Variants in IGFALS observed in about 807,000 individuals in gnomAD.
The protein encoded by IGFALS is insulin-like growth factor-binding protein complex acid labile subunit.
A neutral mutation model predicts 2.6 loss-of-function variants in IGFALS; 2 were observed. The ratio of observed to expected loss-of-function variants is 0.77; its 90% CI spans 0.32 to 2.44. The LOEUF (loss-of-function observed/expected upper bound fraction) is 2.44. Ranked by LOEUF, IGFALS falls within the 30% of genes most tolerant of loss-of-function variation. The pLI, the probability that IGFALS is intolerant of heterozygous loss-of-function variation, is 0.11. For synonymous variants in IGFALS, 519 were observed against 431.9 expected, an observed-to-expected ratio of 1.20 and a Z score of -2.50; for missense variants, 996 against 848.7, an observed-to-expected ratio of 1.17 and a Z score of -2.16.
rs35882742 is a variant in IGFALS, at chr16:1,791,911, G to A, written c.507C>T (p.Leu169=). The A allele has an allele frequency of 8.2e-6, 13 of 1,577,784 alleles. No homozygotes were observed. The highest frequency in any genetic ancestry group is 4.7e-5 in the East Asian group (2 of 42,998). ...SRLEDGLFEG[L]GSLWDLNLGW... ...CGAGGTTGAGGTCCCAGAGGCTGCC[G>A]AGGCCCTCGAAGAGCCCGTCCTCCA... Residue 169 remains leucine, a synonymous_variant, in exon 2 of 2, where the codon CTC becomes CTT. Coordinates refer to ENST00000215539, the MANE Select transcript of IGFALS (RefSeq NM_004970.3).
chr16:1,790,627 G>A lies in IGFALS; in HGVS notation c.1791C>T (p.Leu597=). ...AGCAGGGAGCAAAGTGGGCCTCGCT[G>A]AGGTCCCGCAGGTCGAGCCCCACGA... ...PEVVGLDLRD[L]SEAHFAPC is the part of the protein sequence containing the mutation. Residue 597 remains leucine (L), a synonymous_variant, in exon 2 of 2, where the codon CTC becomes CTT. Transcript: ENST00000215539. The A allele has an allele frequency of 1.3e-6, 2 of 1,578,274 alleles. No homozygotes were observed. Among genetic ancestry groups the A allele is most frequent in the African/African-American group, 1.3e-5 (1 of 74,234 alleles).
At position 1,791,443 on chromosome 16, in the gene IGFALS, G is replaced by A. The variant is rs781117005; in HGVS notation, c.975C>T (p.Arg325=). Residue 325 remains arginine, a synonymous_variant, in exon 2 of 2, where the codon CGC becomes CGT. Transcript: ENST00000215539. ...AGCTGCGCTCAGCCAGCTGCCGGATGCGGTTGTGGCCCAGCTGCAGCTCCT... is the reference window on the plus strand; with the variant it reads ...AGCTGCGCTCAGCCAGCTGCCGGATACGGTTGTGGCCCAGCTGCAGCTCCT... ...FLEELQLGHN[R]IRQLAERSFE... The A allele has an allele frequency of 9.9e-6, 16 of 1,612,400 alleles. No homozygotes were observed. The African/African-American group carries it at 1.5e-4, about 15-fold the overall frequency.
rs1490097122 is a variant in IGFALS, at chr16:1,793,659, T to A, written c.-7A>T. 6.3e-7 allele frequency: 1 copy of A among 1,595,478 alleles called. No individual in the cohort carries two copies. The highest frequency in any genetic ancestry group is 8.5e-7 in the Non-Finnish European group (1 of 1,170,982). On this transcript the variant is annotated 5_prime_UTR_variant, in exon 1 of 2. An upstream start codon of the reference 5' UTR is lost. Transcript: ENST00000215539. ...CACCTTTCCTCAGGGCCATCCTGCA[T>A]GCAGGGCAGGCTGCAGGCAGGCAGC...
chr16:1,794,151 C>T (rs1265275097), upstream of IGFALS, among the ~76,000 whole-genome samples: 14 of 152,226 alleles, frequency 9.2e-5, no homozygotes, highest in East Asian at 2.1e-3. Flanking sequence ...GCCCCTTCCC[C>T]GTGCCCCACC....
chr16:1,790,722 A>G lies in IGFALS; in HGVS notation c.1696T>C (p.Cys566Arg). 2 of 1,608,672 alleles carry G rather than the reference A, an allele frequency of 1.2e-6. No individual in the cohort carries two copies. Among genetic ancestry groups the G allele is most frequent in the Non-Finnish European group, 1.7e-6 (2 of 1,178,284 alleles). ...GGCGGCTGGCAATCGTCCCCCTCAC[A>G]GATGGCCTGGACGAAGCGGGGCACA... is the stretch of plus-strand genomic sequence containing the variant. ...SAVPRFVQAI[C>R]EGDDCQPPAY... Residue 566 changes from cysteine to arginine, a missense_variant, in exon 2 of 2, where the codon TGT becomes CGT. By Grantham distance (180) the Cys-to-Arg change is radical (BLOSUM62 -3). Coordinates refer to ENST00000215539, the MANE Select transcript of IGFALS (RefSeq NM_004970.3).
In IGFALS at chr16:1,793,705, T is replaced by C. The variant is rs532454210; in HGVS notation, c.-53A>G. ...GCAGCGAGGGAGGGTACGTCTGCTGTGCCGGCCACCCCTGCCCTCTGGATT... is the reference window on the plus strand; with the variant it reads ...GCAGCGAGGGAGGGTACGTCTGCTGCGCCGGCCACCCCTGCCCTCTGGATT... On this transcript the variant is annotated 5_prime_UTR_variant, in exon 1 of 2. Transcript: ENST00000215539. 5.6e-5 allele frequency: 87 copies of C among 1,542,634 alleles called. No homozygotes were observed. The East Asian group carries it at 1.6e-3, about 29-fold the overall frequency.
intron 1 of IGFALS, among the ~76,000 whole-genome samples, chr16:1,793,256 G>A (rs540690454): frequency 6.6e-6 from 1 of 152,082 alleles, no homozygotes. Context: ...GCTGCAAGGG[G>A]TCACCCCACA....
In IGFALS at chr16:1,792,316, C is replaced by T. The variant is rs373671465; in HGVS notation, c.102G>A (p.Gly34=). The change falls in exon 2 of 2, where the codon GGG becomes GGA. Residue 34 remains glycine (G), a synonymous_variant. Transcript: ENST00000215539. ...CCGGGCACGCTGGGCCCTCGGCTTC[C>T]CCCGGCGTTCCGGGGTCTGCTCCCT... ...SLEGADPGTP[G]EAEGPACPAA... is the part of the protein sequence containing the mutation. 1.3e-6 allele frequency: 2 copies of T among 1,596,906 alleles called. No individual in the cohort carries two copies. The highest frequency in any genetic ancestry group is 2.7e-5 in the African/African-American group (2 of 74,864).
intron 1 of IGFALS, among the ~76,000 whole-genome samples, chr16:1,792,749 C>G (rs763084762): frequency 6.6e-6 from 1 of 152,372 alleles, no homozygotes; most frequent in East Asian, 1.9e-4. Context: ...GCCAGTCTGC[C>G]ACGTTGGCCT....
Position 1,790,773 on chromosome 16 carries a change from C to T in IGFALS, c.1645G>A (p.Asp549Asn), listed in dbSNP as rs1032892017. The change falls in exon 2 of 2, where the codon GAC (aspartate) becomes AAC (asparagine). Residue 549 changes from aspartate to asparagine, a missense_variant. Physicochemically the swap from Asp to Asn is conservative, Grantham distance 23. Coordinates refer to ENST00000215539, the MANE Select transcript of IGFALS (RefSeq NM_004970.3). ...GCACTGGGGTTCTGCAGGGCGAAGT[C>T]CCGCAGCGCCTTGAGAGGGCAGCCA... ...DCGCPLKALR[D>N]FALQNPSAVP... The T allele has an allele frequency of 6.3e-6, 10 of 1,587,042 alleles. No individual in the cohort carries two copies. Among genetic ancestry groups the T allele is most frequent in the Non-Finnish European group, 8.6e-6 (10 of 1,168,270 alleles).
At chr16:1,793,532 G>T in intron 1 of IGFALS, 105 bp downstream of exon 1, 2 of 1,088,646 alleles carry the variant, frequency 1.8e-6, no homozygotes, top group South Asian at 1.5e-5. Context: ...CCAGAGCTGA[G>T]CCCCCCAGAG....
chr16:1,791,847 G>A lies in IGFALS; in HGVS notation c.571C>T (p.Arg191Cys), dbSNP rs747204659. ...AGCTCGCGCAGGCTGCCCAGGCCGC[G>A]GAACGCCGCATCGGGGAGCACCGCC... ...SLAVLPDAAF[R>C]GLGSLRELVL... Residue 191 changes from arginine to cysteine, a missense_variant, in exon 2 of 2, where the codon CGC (arginine) becomes TGC (cysteine). Physicochemically the swap from Arg to Cys is radical, Grantham distance 180 (BLOSUM62 -3). Coordinates refer to ENST00000215539, the MANE Select transcript of IGFALS (RefSeq NM_004970.3). The A allele has an allele frequency of 6.4e-7, 1 of 1,552,812 alleles. No individual in the cohort carries two copies. Among genetic ancestry groups the A allele is most frequent in the South Asian group, 1.2e-5 (1 of 84,780 alleles).
upstream of IGFALS, chr16:1,794,848 C>G (rs1424688303): frequency 1.4e-6 from 1 of 702,286 alleles, no homozygotes; most frequent in South Asian, 1.5e-5. Flanking sequence ...CCTGGCAGGC[C>G]CCGTGCAGAG....
In IGFALS at chr16:1,791,638, G is replaced by A. The variant is rs773461461; in HGVS notation, c.780C>T (p.Gly260=). ...GCAGCGCCTTCAGGCCCAGGAAGGC[G>A]CCCGGGGCCACGGCAGCGATGAGGT... The part of the protein sequence containing the change: ...DRNLIAAVAP[G]AFLGLKALRW... Residue 260 remains glycine, a synonymous_variant, in exon 2 of 2, where the codon GGC becomes GGT. Coordinates refer to ENST00000215539, the MANE Select transcript of IGFALS (RefSeq NM_004970.3). 1.1e-5 allele frequency: 17 copies of A among 1,577,262 alleles called. 1 individual carries two copies. Among genetic ancestry groups the A allele is most frequent in the Middle Eastern group, 1.7e-4 (1 of 5,798 alleles).
chr16:1,790,974 G>C lies in IGFALS; in HGVS notation c.1444C>G (p.Gln482Glu). 1 of 1,597,242 alleles carries C rather than the reference G, an allele frequency of 6.3e-7. No homozygotes were observed. Residue 482 changes from glutamine to glutamate, a missense_variant, in exon 2 of 2, where the codon CAG (glutamine) becomes GAG (glutamate). Transcript: ENST00000215539. ...ELPADALGPL[Q>E]RAFWLDVSHN... The stretch of plus-strand genomic sequence containing the variant: ...GAGACGTCCAGCCAGAAGGCCCGCT[G>C]CAGGGGGCCCAGGGCGTCCGCCGGC...
At position 1,790,741 on chromosome 16, in the gene IGFALS, G is replaced by A. The variant is rs758435187; in HGVS notation, c.1677C>T (p.Pro559=). The A allele has an allele frequency of 6.2e-7, 1 of 1,604,788 alleles. No individual in the cohort carries two copies. The highest frequency in any genetic ancestry group is 1.1e-5 in the South Asian group (1 of 89,518). ...CCTCACAGATGGCCTGGACGAAGCGGGGCACAGCACTGGGGTTCTGCAGGG... is the reference window on the plus strand; with the variant it reads ...CCTCACAGATGGCCTGGACGAAGCGAGGCACAGCACTGGGGTTCTGCAGGG... ...DFALQNPSAV[P]RFVQAICEGD... Residue 559 remains proline (P), a synonymous_variant, in exon 2 of 2, where the codon CCC becomes CCT. Coordinates refer to ENST00000215539, the MANE Select transcript of IGFALS (RefSeq NM_004970.3).
chr16:1,793,139 T>C (rs1433037777), intron 1 of IGFALS, among the ~76,000 whole-genome samples: 2 of 152,154 alleles, frequency 1.3e-5, no homozygotes, highest in Non-Finnish European at 2.9e-5. Context: ...ATTGCTGGGA[T>C]GGTGGCAGGG....
rs1376197375 is a variant in IGFALS, at chr16:1,791,427, C to T, written c.991G>A (p.Glu331Lys). The change falls in exon 2 of 2, where the codon GAG becomes AAG. Residue 331 changes from glutamate (E) to lysine (K), a missense_variant. Coordinates refer to ENST00000215539, the MANE Select transcript of IGFALS (RefSeq NM_004970.3). ...LGHNRIRQLA[E>K]RSFEGLGQLE... ...TGCCCCAGGCCCTCAAAGCTGCGCT[C>T]AGCCAGCTGCCGGATGCGGTTGTGG... 1.2e-6 allele frequency: 2 copies of T among 1,612,088 alleles called. No individual in the cohort carries two copies. The highest frequency in any genetic ancestry group is 1.7e-6 in the Non-Finnish European group (2 of 1,179,960).
chr16:1,791,851 C>T lies in IGFALS; in HGVS notation c.567G>A (p.Ala189=), dbSNP rs547701583. ...WNSLAVLPDA[A]FRGLGSLREL... ...CGCGCAGGCTGCCCAGGCCGCGGAACGCCGCATCGGGGAGCACCGCCAGGC... is the reference window on the plus strand; with the variant it reads ...CGCGCAGGCTGCCCAGGCCGCGGAATGCCGCATCGGGGAGCACCGCCAGGC... The change falls in exon 2 of 2, where the codon GCG becomes GCA. Residue 189 remains alanine (A), a synonymous_variant. Transcript: ENST00000215539. 2.8e-5 allele frequency: 44 copies of T among 1,553,480 alleles called. No homozygotes were observed. The highest frequency in any genetic ancestry group is 2.0e-4 in the South Asian group (17 of 84,812).
Sources: gnomAD v4.1 joint callset for allele counts (sites outside exome capture counted in the v4.1 genomes callset) on GRCh38, gnomAD v4.1.1 for gene constraint, MANE v1.5 for transcripts, NCBI Gene and HGNC (gene_info 2026-07-23, HGNC 2026-07-21) for gene names.